The following SYNGR4 variants were observed in gnomAD, a reference collection of about 807,000 sequenced individuals.
The protein encoded by SYNGR4 is synaptogyrin 4.
A neutral mutation model predicts 15.5 loss-of-function variants in SYNGR4; 15 were observed. The observed-to-expected ratio is 0.97, with a 90% CI of 0.65 to 1.49. The LOEUF is 1.49. Among genes scored for constraint, SYNGR4 ranks in the 40% most tolerant of loss-of-function variants. SYNGR4 has a pLI of 0.00. For missense variants in SYNGR4, 292 were observed against 299.3 expected, an observed-to-expected ratio of 0.98 and a Z score of 0.18; for synonymous variants, 121 against 127.4, an observed-to-expected ratio of 0.95 and a Z score of 0.34.
At chr19:48,370,933 C>T (rs372292972) in intron 2 of SYNGR4, among the ~76,000 whole-genome samples, 7 of 152,300 alleles carry the variant, frequency 4.6e-5, no homozygotes, top group East Asian at 3.9e-4. Context: ...TGCCCACCTC[C>T]GATCCATCAG....
chr19:48,373,835 CA>C (rs1460789874), intron 3 of SYNGR4, 81 bp downstream of exon 3: 65 of 1,406,648 alleles, frequency 4.6e-5, no homozygotes, highest in Non-Finnish European at 6.2e-5. Flanking sequence ...CTCCCGGGCA[CA>C]ACCCTTCACC....
In SYNGR4 at chr19:48,372,013, G is replaced by A. The variant is rs200504883; in HGVS notation, c.94-1504G>A. Among the ~76,000 whole-genome samples the A allele has an allele frequency of 7.2e-5, 11 of 151,798 alleles. No homozygotes were observed. In the East Asian group the frequency reaches 1.4e-3, roughly 19 times the overall value. Reference sequence around the variant, plus strand: ...TCCTGCCTCAGCCTCCCAAGTAGCTGGGACTACAAGTATGCACCACCACAC... The same window carrying A: ...TCCTGCCTCAGCCTCCCAAGTAGCTAGGACTACAAGTATGCACCACCACAC... On this transcript the variant is annotated intron_variant, in intron 2 of 4. Transcript: ENST00000344846.
chr19:48,372,193 G>A (rs1188593945), intron 2 of SYNGR4, among the ~76,000 whole-genome samples: 1 of 151,986 alleles, frequency 6.6e-6, no homozygotes, highest in Non-Finnish European at 1.5e-5. Flanking sequence ...CCACTGGCCA[G>A]CTAATTGGAT....
chr19:48,368,687 G>A (rs1289928949), intron 2 of SYNGR4, among the ~76,000 whole-genome samples: 1 of 151,394 alleles, frequency 6.6e-6, no homozygotes, highest in Non-Finnish European at 1.5e-5. Context: ...GGCTTAAATA[G>A]TGATTATTAT....
In SYNGR4 at chr19:48,365,942, C is replaced by T. The variant is rs1970213064; in HGVS notation, c.93+7C>T. 1 of 1,613,074 alleles carries T rather than the reference C, an allele frequency of 6.2e-7. No individual in the cohort carries two copies. The highest frequency in any genetic ancestry group is 1.1e-5 in the South Asian group (1 of 91,082). On this transcript the variant is annotated splice_region_variant and intron_variant, in intron 2 of 4. Transcript: ENST00000344846. ...CACGCGGGTCTTCGAAGGGGTGAGG[C>T]CCTCCCATGGCCCGACTGTGCCCCT...
intron 1 of SYNGR4, among the ~76,000 whole-genome samples, chr19:48,364,893 G>A (rs951916117): frequency 6.6e-6 from 1 of 151,896 alleles, no homozygotes; most frequent in Non-Finnish European, 1.5e-5. Flanking sequence ...GTCACAAGAC[G>A]TGGTCCCCAA....
At chr19:48,370,189 G>A (rs1970283494) in intron 2 of SYNGR4, among the ~76,000 whole-genome samples, 1 of 152,154 alleles carries the variant, frequency 6.6e-6, no homozygotes, top group African/African-American at 2.4e-5. Flanking sequence ...CTGGGTGCTG[G>A]GGATAGAGAG....
upstream of SYNGR4, chr19:48,364,307 C>T (rs1970149469): frequency 7.7e-6 from 2 of 260,668 alleles, no homozygotes; most frequent in Middle Eastern, 2.6e-3. Context: ...GGGACTTGGG[C>T]GCAGCCAATC....
In SYNGR4 at chr19:48,369,062, C is replaced by T. The variant is rs114027464; in HGVS notation, c.93+3127C>T. On this transcript the variant is annotated intron_variant, in intron 2 of 4. Transcript: ENST00000344846. ...GGTGCGGGGAAGGAGGAGGAAGAGCCGCCAACCATGCCAGACGTTCTGGTC... is the reference window on the plus strand; with the variant it reads ...GGTGCGGGGAAGGAGGAGGAAGAGCTGCCAACCATGCCAGACGTTCTGGTC... Among the ~76,000 whole-genome samples, 1,403 of 152,244 alleles carry T rather than the reference C, an allele frequency of 9.2e-3. 18 individuals are homozygous for T. Among genetic ancestry groups the T allele is most frequent in the African/African-American group, 0.032 (1,342 of 41,544 alleles).
intron 3 of SYNGR4, 127 bp downstream of exon 3, chr19:48,373,881 T>A: frequency 1.1e-6 from 1 of 904,316 alleles, no homozygotes; most frequent in Non-Finnish European, 1.7e-6. Flanking sequence ...GTCCTCCCAG[T>A]AGGAGGCATC....
intron 2 of SYNGR4, among the ~76,000 whole-genome samples, chr19:48,366,417 AAAG>A (rs1158539453): frequency 1.3e-5 from 2 of 151,600 alleles, no homozygotes; most frequent in Non-Finnish European, 2.9e-5. Flanking sequence ...AAAAGAAAAG[AAAG>A]AAACAGTTTC....
chr19:48,376,095 C>T lies in SYNGR4; in HGVS notation c.482C>T (p.Ala161Val). The T allele has an allele frequency of 6.2e-7, 1 of 1,614,142 alleles. No homozygotes were observed. The change falls in exon 5 of 5, where the codon GCC (alanine) becomes GTC (valine). Residue 161 changes from alanine (A) to valine (V), a missense_variant. Ala to Val is a moderately conservative substitution (Grantham distance 64, BLOSUM62 0). Transcript: ENST00000344846. The stretch of plus-strand genomic sequence containing the variant: ...CTTTTCTGCCCACAGATATTCCAGG[C>T]CTACCTGGCATTCCAGGACCTCCGA... Reference protein sequence around the residue: ...FFSILVWIFQAYLAFQDLRND... With the variant: ...FFSILVWIFQVYLAFQDLRND...
At position 48,365,726 on chromosome 19, in the gene SYNGR4, C is replaced by A; in HGVS notation, c.-107-10C>A. ...CCTGACTGGCATCCCCCATCTGTGT[C>A]ATCCCACAGCAGCCAAGCCCAGGGC... On this transcript the variant is annotated splice_polypyrimidine_tract_variant and intron_variant, in intron 1 of 4. Transcript: ENST00000344846. 1 of 906,372 alleles carries A rather than the reference C, an allele frequency of 1.1e-6. No individual in the cohort carries two copies. Among genetic ancestry groups the A allele is most frequent in the South Asian group, 1.3e-5 (1 of 74,136 alleles). 56.1% of individuals were successfully genotyped at this position (906,372 alleles called of 1,614,324 possible).
intron 1 of SYNGR4, 87 bp from the exon 2 acceptor site, chr19:48,365,649 C>CCCCCCCTTT: frequency 7.3e-6 from 2 of 275,360 alleles, no homozygotes; most frequent in Non-Finnish European, 1.4e-5. Flanking sequence ...CCCCCATCCC[C>CCCCCCCTTT]ACCCCATGTC....
chr19:48,370,080 T>C (rs1490417603), intron 2 of SYNGR4, among the ~76,000 whole-genome samples: 1 of 151,858 alleles, frequency 6.6e-6, no homozygotes, highest in Non-Finnish European at 1.5e-5. Flanking sequence ...GGTCCGTTCT[T>C]TGCCTCCTCC....
chr19:48,364,652 G>A (rs1474385999), intron 1 of SYNGR4, 115 bp downstream of exon 1: 5 of 152,122 alleles, frequency 3.3e-5, no homozygotes, highest in African/African-American at 1.2e-4. Flanking sequence ...CGAAAGGGAG[G>A]CCCTTATTCT....
chr19:48,373,810 C>T, intron 3 of SYNGR4, 56 bp downstream of exon 3: 2 of 1,575,032 alleles, frequency 1.3e-6, no homozygotes, highest in South Asian at 1.1e-5. Context: ...CACAGCCCTC[C>T]TGGCTCCCCA....
In SYNGR4 at chr19:48,375,595, C is replaced by A; in HGVS notation, c.332-18C>A. Reference sequence around the variant, plus strand: ...TGAGCTTTCCCCCTGCCCCTTTTCTCTCCCTGTGACGCCACAGTTCTCTGG... The same window carrying A: ...TGAGCTTTCCCCCTGCCCCTTTTCTATCCCTGTGACGCCACAGTTCTCTGG... On this transcript the variant is annotated intron_variant, in intron 3 of 4. Transcript: ENST00000344846. 6.2e-7 allele frequency: 1 copy of A among 1,601,380 alleles called. No homozygotes were observed.
At chr19:48,366,093 C>G (rs1044222144) in intron 2 of SYNGR4, among the ~76,000 whole-genome samples, 158 bp downstream of exon 2, 3 of 152,158 alleles carry the variant, frequency 2.0e-5, no homozygotes, top group Non-Finnish European at 4.4e-5. Flanking sequence ...CTGAGCACCC[C>G]ACTATAGGCC....
Sources: allele counts gnomAD v4.1 joint callset (sites outside exome capture counted in the v4.1 genomes callset), GRCh38; gene constraint gnomAD v4.1.1; transcripts MANE v1.5; gene names NCBI Gene and HGNC (gene_info 2026-07-23, HGNC 2026-07-21).